Variants in PPP2R2B observed in about 807,000 individuals in gnomAD.
The protein encoded by PPP2R2B is serine/threonine-protein phosphatase 2A 55 kDa regulatory subunit B beta isoform.
Under a neutral mutation model 46.0 loss-of-function variants are expected in PPP2R2B, and 5 were observed. The observed-to-expected ratio is 0.11, with a 90% CI of 0.06 to 0.23. The LOEUF is 0.23. Ranked by LOEUF, PPP2R2B falls within the 10% of genes least tolerant of loss-of-function variation. The probability of loss-of-function intolerance (pLI) is 1.00; values close to 1 mark genes in which losing one functional copy is unlikely to be tolerated. For missense variants in PPP2R2B, 367 were observed against 575.0 expected, an observed-to-expected ratio of 0.64 and a Z score of 3.70; for synonymous variants, 215 against 206.7, an observed-to-expected ratio of 1.04 and a Z score of -0.34.
intron 2 of PPP2R2B, among the ~76,000 whole-genome samples, chr5:146,827,137 T>C (rs187044572): frequency 7.8e-4 from 119 of 152,280 alleles, no homozygotes; most frequent in African/African-American, 2.8e-3. Context: ...GGACCAAGGA[T>C]ATCATAGGGG....
intron 1 of PPP2R2B, among the ~76,000 whole-genome samples, chr5:146,936,836 G>A (rs1210123484): frequency 6.7e-6 from 1 of 149,060 alleles, no homozygotes; most frequent in East Asian, 2.0e-4. Flanking sequence ...TCCTTGTTCT[G>A]TTGTGGGAGA....
intron 2 of PPP2R2B, among the ~76,000 whole-genome samples, chr5:146,726,589 A>G (rs1197430253): frequency 6.6e-6 from 1 of 152,216 alleles, no homozygotes; most frequent in Non-Finnish European, 1.5e-5. Flanking sequence ...CATATAAAGA[A>G]ATTGAGACTT....
At chr5:146,956,297 T>C (rs1160296063) in intron 1 of PPP2R2B, among the ~76,000 whole-genome samples, 1 of 152,116 alleles carries the variant, frequency 6.6e-6, no homozygotes, top group Admixed American at 6.6e-5. Flanking sequence ...CACTTTAATC[T>C]CATGAATGGA....
chr5:146,680,549 A>G (rs532576139), intron 5 of PPP2R2B, among the ~76,000 whole-genome samples: 35 of 151,916 alleles, frequency 2.3e-4, no homozygotes, highest in African/African-American at 8.2e-4. Flanking sequence ...GTATAATAAT[A>G]ATAATAAAAA....
At chr5:146,818,165 C>A (rs1299144242) in intron 2 of PPP2R2B, among the ~76,000 whole-genome samples, 1 of 152,146 alleles carries the variant, frequency 6.6e-6, no homozygotes, top group Non-Finnish European at 1.5e-5. Context: ...CCTTTTGTGA[C>A]TATTTGATCA....
At chr5:146,722,041 C>T (rs1350204412) in intron 2 of PPP2R2B, among the ~76,000 whole-genome samples, 2 of 152,156 alleles carry the variant, frequency 1.3e-5, no homozygotes, top group East Asian at 1.9e-4. Flanking sequence ...ATTACTACCC[C>T]CATTTTACAG....
chr5:146,642,712 G>T (rs1476138066), intron 6 of PPP2R2B, among the ~76,000 whole-genome samples: 2 of 152,204 alleles, frequency 1.3e-5, no homozygotes, highest in Non-Finnish European at 2.9e-5. Flanking sequence ...TGATTTCAAT[G>T]ATCAGCACAA....
intron 2 of PPP2R2B, among the ~76,000 whole-genome samples, chr5:146,824,364 T>C (rs1014036705): frequency 6.6e-6 from 1 of 152,184 alleles, no homozygotes; most frequent in Non-Finnish European, 1.5e-5. Context: ...CCATCTCTAG[T>C]TTTCAGGCCA....
At chr5:146,756,754 GA>G (rs1355955413) in intron 2 of PPP2R2B, among the ~76,000 whole-genome samples, 1 of 152,198 alleles carries the variant, frequency 6.6e-6, no homozygotes, top group Non-Finnish European at 1.5e-5. Flanking sequence ...GTACTTAAAA[GA>G]ATGCCTGATG....
chr5:147,029,056 TA>T (rs1755657247), intron 1 of PPP2R2B, among the ~76,000 whole-genome samples: 1 of 152,202 alleles, frequency 6.6e-6, no homozygotes, highest in South Asian at 2.1e-4. Context: ...AGTCTGTTGG[TA>T]GTCACCTGCT....
At chr5:146,754,721 A>G (rs571723519) in intron 2 of PPP2R2B, among the ~76,000 whole-genome samples, 26 of 152,154 alleles carry the variant, frequency 1.7e-4, no homozygotes, top group Non-Finnish European at 3.2e-4. Context: ...GAGGATGCCA[A>G]CTACTGTGTT....
intron 2 of PPP2R2B, among the ~76,000 whole-genome samples, chr5:146,818,915 AAG>A (rs1582182234): frequency 6.6e-6 from 1 of 152,296 alleles, no homozygotes; most frequent in East Asian, 1.9e-4. Context: ...AGGCCTGCAA[AAG>A]TTTCTGACCA....
intron 5 of PPP2R2B, among the ~76,000 whole-genome samples, chr5:146,685,372 G>T (rs994387057): frequency 3.3e-5 from 5 of 152,216 alleles, no homozygotes; most frequent in Non-Finnish European, 7.3e-5. Flanking sequence ...ATAAAGAAAG[G>T]ACATCAAACA....
intron 1 of PPP2R2B, chr5:146,917,827 T>G (rs1413552702): frequency 6.6e-6 from 1 of 152,220 alleles, no homozygotes; most frequent in Admixed American, 6.5e-5. Context: ...CCTCACCTTT[T>G]ACTGAGTCCT....
At chr5:146,872,083 T>C (rs1761646441) in intron 2 of PPP2R2B, among the ~76,000 whole-genome samples, 1 of 152,218 alleles carries the variant, frequency 6.6e-6, no homozygotes, top group Admixed American at 6.5e-5. Flanking sequence ...TCTACAGCTG[T>C]GCTCTTTTCA....
upstream of PPP2R2B, among the ~76,000 whole-genome samples, chr5:146,882,169 C>G (rs192273342): frequency 4.8e-4 from 73 of 151,198 alleles, 2 homozygotes; most frequent in Non-Finnish European, 8.8e-5. Context: ...CCCAGCTACT[C>G]GGGAGGCTGA....
chr5:147,016,145 G>C (rs1301427854), intron 1 of PPP2R2B, among the ~76,000 whole-genome samples: 1 of 151,452 alleles, frequency 6.6e-6, no homozygotes, highest in Admixed American at 6.6e-5. Context: ...AGACCAGCCT[G>C]GGAAACATGG....
intron 2 of PPP2R2B, among the ~76,000 whole-genome samples, chr5:146,768,521 A>G (rs946128971): frequency 7.9e-5 from 12 of 152,016 alleles, no homozygotes; most frequent in Non-Finnish European, 1.6e-4. Context: ...ATGGCCTCCA[A>G]ATCTGGTCTC....
At chr5:146,812,890 C>A (rs913757050) in intron 2 of PPP2R2B, among the ~76,000 whole-genome samples, 1 of 131,300 alleles carries the variant, frequency 7.6e-6, no homozygotes, top group African/African-American at 2.8e-5. Context: ...ACCATGAGAA[C>A]AGTATGGGGA....
Sources: allele counts gnomAD v4.1 joint callset (sites outside exome capture counted in the v4.1 genomes callset), GRCh38; gene constraint gnomAD v4.1.1; transcripts MANE v1.5; gene names NCBI Gene and HGNC (gene_info 2026-07-23, HGNC 2026-07-21).